Variants in TMC5 observed in about 807,000 individuals in gnomAD.
TMC5 encodes the protein transmembrane channel-like protein 5.
Under a neutral mutation model 110.5 loss-of-function variants are expected in TMC5, and 86 were observed. That is an observed-to-expected ratio of 0.78 (90% CI 0.65 to 0.93). The LOEUF (loss-of-function observed/expected upper bound fraction) is 0.93. TMC5 is among the 40% of genes least tolerant of loss of function. The pLI, the probability that TMC5 is intolerant of heterozygous loss-of-function variation, is 0.00. For synonymous variants in TMC5, 455 were observed against 439.5 expected (o/e 1.04, Z -0.44); for missense variants, 1,144 against 1,222.8 (o/e 0.94, Z 0.96).
intron 1 of TMC5, among the ~76,000 whole-genome samples, chr16:19,423,649 T>G (rs1307355482): frequency 1.3e-5 from 2 of 152,208 alleles, no homozygotes; most frequent in African/African-American, 4.8e-5. Context: ...CCACTGTACT[T>G]TCAACAAAGA....
chr16:19,448,293 TAC>T (rs1270728161), intron 4 of TMC5, among the ~76,000 whole-genome samples: 3 of 110,094 alleles, frequency 2.7e-5, no homozygotes, highest in African/African-American at 1.2e-4. Context: ...AACCATTATT[TAC>T]ACACACACGC....
In TMC5 at chr16:19,484,370, A is replaced by G. The variant is rs931126837; in HGVS notation, c.2364-2575A>G. On this transcript the variant is annotated intron_variant, in intron 15 of 21. Coordinates refer to ENST00000542583, the MANE Select transcript of TMC5 (RefSeq NM_001261841.2). ...CAGTTTACAAAGTCCTTTCTTCCACATTATTTCAACTAGGATGCCATTGGG... is the reference window on the plus strand; with the variant it reads ...CAGTTTACAAAGTCCTTTCTTCCACGTTATTTCAACTAGGATGCCATTGGG... 7.2e-5 allele frequency among the ~76,000 whole-genome samples: 11 copies of G among 152,334 alleles called. No homozygotes were observed. In the Middle Eastern group the frequency reaches 0.014, roughly 188 times the overall value.
rs1268765548 is a variant in TMC5 at position 19,487,447 on chromosome 16, A to C, written c.2573+121A>C. 4.5e-6 allele frequency: 6 copies of C among 1,323,072 alleles called. No individual in the cohort carries two copies. The Admixed American group carries it at 1.7e-4, about 37-fold the overall frequency. 82.0% of individuals were successfully genotyped at this position (1,323,072 alleles called of 1,614,324 possible). ...CCGGGTGCAGTGGCTCACGCCTGTG[A>C]TCCCGGCACTATGGGAGGCCAAGGC... On this transcript the variant is annotated intron_variant, in intron 17 of 21. Coordinates refer to ENST00000542583, the MANE Select transcript of TMC5 (RefSeq NM_001261841.2).
intron 15 of TMC5, among the ~76,000 whole-genome samples, chr16:19,482,168 T>G (rs1479780930): frequency 6.6e-6 from 1 of 152,208 alleles, no homozygotes; most frequent in Admixed American, 6.5e-5. Flanking sequence ...CAAGTGATTC[T>G]CCTGCCTGTC....
intron 5 of TMC5, among the ~76,000 whole-genome samples, chr16:19,454,649 T>C (rs549864540): frequency 7.2e-5 from 11 of 152,280 alleles, no homozygotes; most frequent in East Asian, 1.9e-4. Context: ...TAGTTCAATT[T>C]TGACATTTAA....
rs746148670 is a variant in TMC5, at chr16:19,440,636, G to C, written c.598G>C (p.Asp200His). The C allele has an allele frequency of 1.9e-6, 3 of 1,614,062 alleles. No individual in the cohort carries two copies. Among genetic ancestry groups the C allele is most frequent in the Non-Finnish European group, 2.5e-6 (3 of 1,180,044 alleles). The part of the protein sequence containing the change: ...HTSFRINPYA[D>H]SLGKPDYPGA... The stretch of plus-strand genomic sequence containing the variant: ...AAGTTTTAGAATCAATCCATACGCA[G>C]ACTCTCTGGGAAAGCCTGATTATCC... The change falls in exon 3 of 22, where the codon GAC becomes CAC. Residue 200 changes from aspartate (D) to histidine (H), a missense_variant. Coordinates refer to ENST00000542583, the MANE Select transcript of TMC5 (RefSeq NM_001261841.2).
At chr16:19,435,262 C>G (rs899870865) in intron 2 of TMC5, among the ~76,000 whole-genome samples, 1 of 150,466 alleles carries the variant, frequency 6.6e-6, no homozygotes, top group Admixed American at 6.7e-5. Flanking sequence ...GACGCCAAGG[C>G]GGGTGGATCA....
intron 9 of TMC5, among the ~76,000 whole-genome samples, chr16:19,466,577 C>T (rs1162592553): frequency 6.6e-6 from 1 of 152,182 alleles, no homozygotes; most frequent in Non-Finnish European, 1.5e-5. Flanking sequence ...GTCTCAAACT[C>T]CTGACCTCAG....
At chr16:19,449,692 A>T in intron 5 of TMC5, 61 bp downstream of exon 5, 1 of 1,438,054 alleles carries the variant, frequency 7.0e-7, no homozygotes, top group Non-Finnish European at 9.8e-7. Context: ...TGTAATCCCC[A>T]TGTGTCGGGG....
chr16:19,424,343 C>T (rs771695330), intron 1 of TMC5, among the ~76,000 whole-genome samples: 3 of 152,096 alleles, frequency 2.0e-5, no homozygotes, highest in Non-Finnish European at 2.9e-5. Context: ...ACCCGTAAAC[C>T]GTATCATATT....
At chr16:19,484,761 C>A (rs538907460) in intron 15 of TMC5, among the ~76,000 whole-genome samples, 4 of 143,420 alleles carry the variant, frequency 2.8e-5, no homozygotes, top group Admixed American at 2.1e-4. Flanking sequence ...GACACTCCGT[C>A]TCAAAAAGGA....
intron 20 of TMC5, 28 bp downstream of exon 20, chr16:19,494,394 C>T (rs1227740928): frequency 5.1e-6 from 8 of 1,563,978 alleles, no homozygotes; most frequent in Non-Finnish European, 7.0e-6. Flanking sequence ...CTTGGGGACC[C>T]CTGGGACACG....
intron 17 of TMC5, among the ~76,000 whole-genome samples, chr16:19,488,747 A>C (rs1968812940): frequency 6.6e-6 from 1 of 151,966 alleles, no homozygotes; most frequent in South Asian, 2.1e-4. Flanking sequence ...TCTTTCCTTC[A>C]TTCTATCATT....
chr16:19,417,236 C>T (rs111693758), upstream of TMC5, among the ~76,000 whole-genome samples: 89 of 151,372 alleles, frequency 5.9e-4, no homozygotes, highest in East Asian at 0.015. Context: ...CTGGGCAACA[C>T]GACAGAACCC....
intron 6 of TMC5, among the ~76,000 whole-genome samples, chr16:19,460,631 C>G (rs1408137707): frequency 6.6e-6 from 1 of 152,010 alleles, no homozygotes; most frequent in Non-Finnish European, 1.5e-5. Flanking sequence ...ACTGCCTTGG[C>G]CAAGACTCAA....
chr16:19,498,051 G>A lies in TMC5; in HGVS notation c.*85G>A, dbSNP rs748616739. ...TTCTTCCATGCCACCTGTGCCTTTA[G>A]GAACTGCCCAGAAGAAAATCCAAGG... On this transcript the variant is annotated 3_prime_UTR_variant, in exon 22 of 22. Transcript: ENST00000542583. The A allele has an allele frequency of 8.2e-6, 11 of 1,342,732 alleles. No individual in the cohort carries two copies. The highest frequency in any genetic ancestry group is 9.6e-6 in the Non-Finnish European group (9 of 934,314). 83.2% of individuals were successfully genotyped at this position (1,342,732 alleles called of 1,614,324 possible). A position where few individuals can be genotyped will look rare whatever the true frequency, so the allele number is the denominator to read the frequency against.
In TMC5 at chr16:19,454,043, G is replaced by A. The variant is rs1390406636; in HGVS notation, c.1048+4412G>A. On this transcript the variant is annotated intron_variant, in intron 5 of 21. Transcript: ENST00000542583. Reference sequence around the variant, plus strand: ...GCAAGAATGAATGAATGATACACCAGCATCTTTTTTGTTGTTGTTTTTGAG... The same window carrying A: ...GCAAGAATGAATGAATGATACACCAACATCTTTTTTGTTGTTGTTTTTGAG... 2.0e-5 allele frequency among the ~76,000 whole-genome samples: 3 copies of A among 152,068 alleles called. No homozygotes were observed. The East Asian group carries it at 5.8e-4, about 29-fold the overall frequency.
chr16:19,435,015 A>G (rs1296590018), intron 2 of TMC5, among the ~76,000 whole-genome samples: 4 of 152,210 alleles, frequency 2.6e-5, no homozygotes, highest in Non-Finnish European at 4.4e-5. Context: ...ATATTCACCT[A>G]GAAGACCTGT....
rs1386807123 is a variant in TMC5 at position 19,463,928 on chromosome 16, A to T, written c.1389A>T (p.Ser463=). Residue 463 remains serine, a synonymous_variant, in exon 8 of 22, where the codon TCA becomes TCT. Coordinates refer to ENST00000542583, the MANE Select transcript of TMC5 (RefSeq NM_001261841.2). ...LRWLLKFNIF[S]FILNFSFIII... ...GGCTTTTGAAGTTCAACATTTTCTC[A>T]TTCATCCTGAACTTCAGCTTCATCA... 6.2e-6 allele frequency: 10 copies of T among 1,613,880 alleles called. No individual in the cohort carries two copies. The highest frequency in any genetic ancestry group is 4.0e-5 in the African/African-American group (3 of 74,878).
Sources: allele counts gnomAD v4.1 joint callset (sites outside exome capture counted in the v4.1 genomes callset), GRCh38; gene constraint gnomAD v4.1.1; transcripts MANE v1.5; gene names NCBI Gene and HGNC (gene_info 2026-07-23, HGNC 2026-07-21).